The following KDM2A variants were observed in gnomAD, a reference collection of about 807,000 sequenced individuals.
KDM2A encodes lysine demethylase 2A, also known as lysine-specific demethylase 2A.
KDM2A carries 3 observed loss-of-function variants against 137.3 expected under a neutral mutation model. That is an observed-to-expected ratio of 0.02 (90% CI 0.01 to 0.06). The LOEUF (loss-of-function observed/expected upper bound fraction) is 0.06, where lower values mean the gene tolerates loss of function less well. Among genes scored for constraint, KDM2A ranks in the 10% least tolerant of loss-of-function variants. KDM2A has a pLI of 1.00. For missense variants in KDM2A, 738 were observed against 1,510.6 expected (o/e 0.49, Z 8.48); for synonymous variants, 512 against 541.5 (o/e 0.95, Z 0.76).
chr11:67,168,040 T>G (rs1856785590), intron 2 of KDM2A, among the ~76,000 whole-genome samples: 1 of 152,222 alleles, frequency 6.6e-6, no homozygotes, highest in South Asian at 2.1e-4. Context: ...CTTTTTATAC[T>G]TCCTTAGGGC....
At chr11:67,181,949 G>A in intron 5 of KDM2A, 57 bp downstream of exon 5, 1 of 1,427,780 alleles carries the variant, frequency 7.0e-7, no homozygotes, top group Non-Finnish European at 9.9e-7. Context: ...ACTTAGGACT[G>A]AATTAAATCT....
chr11:67,141,715 T>C (rs1262310980), intron 2 of KDM2A, among the ~76,000 whole-genome samples: 1 of 147,406 alleles, frequency 6.8e-6, no homozygotes, highest in Non-Finnish European at 1.5e-5. Flanking sequence ...ATAAAATTCA[T>C]TGTTACTAAT....
intron 12 of KDM2A, among the ~76,000 whole-genome samples, chr11:67,236,923 C>T (rs1332529945): frequency 6.6e-6 from 1 of 152,052 alleles, no homozygotes; most frequent in Non-Finnish European, 1.5e-5. Context: ...AGTTCAGTGG[C>T]AAAGCAGATA....
chr11:67,131,668 T>C (rs1855858294), intron 2 of KDM2A, among the ~76,000 whole-genome samples: 1 of 152,126 alleles, frequency 6.6e-6, no homozygotes, highest in Non-Finnish European at 1.5e-5. Flanking sequence ...TGCCTTGGCC[T>C]CCCAGAATGC....
intron 5 of KDM2A, among the ~76,000 whole-genome samples, chr11:67,193,907 T>A (rs1394753964): frequency 6.6e-6 from 1 of 152,142 alleles, no homozygotes; most frequent in Non-Finnish European, 1.5e-5. Context: ...GGGGTCTCGC[T>A]GTGTTGAAGA....
chr11:67,155,644 TTTG>T (rs894626665), intron 2 of KDM2A, among the ~76,000 whole-genome samples: 7 of 149,298 alleles, frequency 4.7e-5, no homozygotes, highest in African/African-American at 7.4e-5. Context: ...GAAACGGAGT[TTTG>T]TTGTTGTTGC....
At position 67,204,261 on chromosome 11, in the gene KDM2A, GTT is replaced by G. The variant is rs995981587; in HGVS notation, c.308-3244_308-3243del. The stretch of plus-strand genomic sequence containing the variant: ...TTTTAAAGCATACCAGTGTCATCAA[GTT>G]TTTTCACAGTGTGCAACCATCACCA... On this transcript the variant is annotated intron_variant, in intron 5 of 20. Coordinates refer to ENST00000529006, the MANE Select transcript of KDM2A (RefSeq NM_012308.3). Among the ~76,000 whole-genome samples, 35 of 152,154 alleles carry G rather than the reference GTT, an allele frequency of 2.3e-4. 6 individuals are homozygous for G. Among genetic ancestry groups the G allele is most frequent in the African/African-American group, 7.9e-4 (33 of 41,512 alleles).
At chr11:67,244,719 C>T (rs2136449286) in intron 13 of KDM2A, among the ~76,000 whole-genome samples, 1 of 152,188 alleles carries the variant, frequency 6.6e-6, no homozygotes, top group East Asian at 1.9e-4. Context: ...GGTGTGGTGG[C>T]TCACACCTGT....
intron 10 of KDM2A, among the ~76,000 whole-genome samples, chr11:67,221,771 ACT>A (rs1439253504): frequency 6.6e-6 from 1 of 151,776 alleles, no homozygotes; most frequent in Non-Finnish European, 1.5e-5. Context: ...GGAGTTTGAG[ACT>A]CTCCTGGGCA....
At chr11:67,189,244 A>G (rs1050520338) in intron 5 of KDM2A, among the ~76,000 whole-genome samples, 5 of 152,256 alleles carry the variant, frequency 3.3e-5, no homozygotes, top group African/African-American at 9.6e-5. Context: ...TTAAAAATCA[A>G]TAACAGGTAA....
At chr11:67,200,949 T>A (rs901666772) in intron 5 of KDM2A, among the ~76,000 whole-genome samples, 2 of 152,002 alleles carry the variant, frequency 1.3e-5, no homozygotes, top group African/African-American at 4.8e-5. Context: ...ATCCCAGCAC[T>A]TTGGGAGGTC....
chr11:67,204,638 C>T (rs1243334553), intron 5 of KDM2A, among the ~76,000 whole-genome samples: 1 of 151,796 alleles, frequency 6.6e-6, no homozygotes, highest in Non-Finnish European at 1.5e-5. Flanking sequence ...ACTACAGGTG[C>T]CTGCCACCAC....
At chr11:67,197,579 T>C (rs1857512772) in intron 5 of KDM2A, among the ~76,000 whole-genome samples, 2 of 152,240 alleles carry the variant, frequency 1.3e-5, no homozygotes, top group African/African-American at 4.8e-5. Flanking sequence ...GATCCAGCTC[T>C]TCTTTTCAGC....
At chr11:67,123,741 A>C (rs1034113736) in intron 2 of KDM2A, among the ~76,000 whole-genome samples, 1 of 151,722 alleles carries the variant, frequency 6.6e-6, no homozygotes. Flanking sequence ...CAATGGCACT[A>C]TCTCTGCTTA....
intron 8 of KDM2A, among the ~76,000 whole-genome samples, chr11:67,216,659 G>A (rs766218453): frequency 1.3e-5 from 2 of 152,178 alleles, no homozygotes; most frequent in Non-Finnish European, 2.9e-5. Context: ...GGTGGCTCAC[G>A]CCTGTAATCC....
intron 5 of KDM2A, among the ~76,000 whole-genome samples, chr11:67,185,637 C>CAAAAAAAAAA (rs35825424): frequency 9.7e-6 from 1 of 102,622 alleles, no homozygotes. Context: ...AACTCTGTCG[C>CAAAAAAAAAA]AAAAAAAAAA....
At chr11:67,213,442 C>CT (rs987085756) in intron 6 of KDM2A, among the ~76,000 whole-genome samples, 3 of 151,776 alleles carry the variant, frequency 2.0e-5, no homozygotes, top group South Asian at 2.1e-4. Context: ...TTTCACTTCT[C>CT]TTTTTTTTCA....
chr11:67,247,067 ATATATTTTTTTTTTTTTTTT>A (rs1419129045), intron 15 of KDM2A, among the ~76,000 whole-genome samples: 8 of 27,508 alleles, frequency 2.9e-4, no homozygotes, highest in Non-Finnish European at 5.2e-4. Context: ...ATATATATAT[ATATATTTTTTTTTTTTTTTT>A]TTTTTTTTTT....
chr11:67,236,388 C>A (rs1256137757), intron 12 of KDM2A, among the ~76,000 whole-genome samples: 1 of 152,106 alleles, frequency 6.6e-6, no homozygotes, highest in Non-Finnish European at 1.5e-5. Context: ...TCTAGGCCTC[C>A]CAGAGTGCTA....
Sources: gnomAD v4.1 joint callset for allele counts (sites outside exome capture counted in the v4.1 genomes callset) on GRCh38, gnomAD v4.1.1 for gene constraint, MANE v1.5 for transcripts, NCBI Gene and HGNC (gene_info 2026-07-23, HGNC 2026-07-21) for gene names.